The following CLVS1 variants were observed in gnomAD, a reference collection of about 807,000 sequenced individuals.
CLVS1 encodes the protein clavesin 1.
Under a neutral mutation model 33.1 loss-of-function variants are expected in CLVS1, and 10 were observed. The observed-to-expected ratio is 0.30, with a 90% CI of 0.19 to 0.51. The LOEUF is 0.51. Among genes scored for constraint, CLVS1 ranks in the 20% least tolerant of loss-of-function variants. The probability of loss-of-function intolerance (pLI) is 0.97; values close to 1 mark genes in which losing one functional copy is unlikely to be tolerated. For synonymous variants in CLVS1, 163 were observed against 166.1 expected (o/e 0.98, Z 0.14); for missense variants, 343 against 433.4 (o/e 0.79, Z 1.85).
intron 2 of CLVS1, among the ~76,000 whole-genome samples, chr8:61,231,063 T>C (rs907652732): frequency 1.3e-5 from 2 of 152,208 alleles, no homozygotes; most frequent in African/African-American, 4.8e-5. Flanking sequence ...CTTAGAGGCA[T>C]ACAAATCTTT....
chr8:61,270,958 A>C (rs961580846), intron 2 of CLVS1, among the ~76,000 whole-genome samples: 5 of 151,630 alleles, frequency 3.3e-5, no homozygotes, highest in African/African-American at 9.7e-5. Context: ...ATCCTGTCAA[A>C]AAACCAGCTC....
chr8:61,424,842 A>T (rs1305954332), intron 3 of CLVS1, among the ~76,000 whole-genome samples: 1 of 152,214 alleles, frequency 6.6e-6, no homozygotes, highest in African/African-American at 2.4e-5. Flanking sequence ...ATAATAATGA[A>T]TCTTGAAGAT....
intron 5 of CLVS1, among the ~76,000 whole-genome samples, chr8:61,476,717 T>G (rs1435786835): frequency 6.6e-6 from 1 of 152,212 alleles, no homozygotes; most frequent in African/African-American, 2.4e-5. Context: ...TGGGGTTTTC[T>G]AGATATACAA....
the CLVS1 span, among the ~76,000 whole-genome samples, chr8:61,038,432 C>T: frequency 8.2e-6 from 1 of 122,178 alleles, no homozygotes. Flanking sequence ...TTCCTCCTGT[C>T]GTTTGTATAT....
intron 2 of CLVS1, among the ~76,000 whole-genome samples, chr8:61,164,737 C>T (rs1806823050): frequency 6.6e-6 from 1 of 152,176 alleles, no homozygotes; most frequent in Non-Finnish European, 1.5e-5. Flanking sequence ...TTGTTGGAAT[C>T]CCCCCTCTTT....
intron 2 of CLVS1, among the ~76,000 whole-genome samples, chr8:61,316,526 A>G (rs961895013): frequency 2.6e-5 from 4 of 152,216 alleles, no homozygotes; most frequent in African/African-American, 9.6e-5. Flanking sequence ...ATGACCTTCA[A>G]ATGAATTGAT....
At chr8:60,981,741 A>C in the CLVS1 span, among the ~76,000 whole-genome samples, 2 of 152,266 alleles carry the variant, frequency 1.3e-5, no homozygotes, top group East Asian at 3.8e-4. Flanking sequence ...GAGGAACAGC[A>C]GCTTGAGCGG....
chr8:60,972,304 T>G, the CLVS1 span, among the ~76,000 whole-genome samples: 1 of 152,150 alleles, frequency 6.6e-6, no homozygotes, highest in African/African-American at 2.4e-5. Flanking sequence ...GCCTTTAACC[T>G]CCAAAGTACC....
chr8:61,246,401 C>T, intron 2 of CLVS1, among the ~76,000 whole-genome samples: 1 of 151,134 alleles, frequency 6.6e-6, no homozygotes, highest in East Asian at 2.0e-4. Flanking sequence ...AACTCCTGAC[C>T]TCAAGTGATA....
chr8:61,468,347 C>T lies in CLVS1; in HGVS notation c.977+9805C>T, dbSNP rs562635134. Among the ~76,000 whole-genome samples, 59 of 152,282 alleles carry T rather than the reference C, an allele frequency of 3.9e-4. 1 individual carries two copies. The South Asian group carries it at 0.011, about 29-fold the overall frequency. ...ATGGTGCATAGATGTGTCCTTTTCA[C>T]AGTGGTACTAAGATTTTAAAAAATG... is the stretch of plus-strand genomic sequence containing the variant. On this transcript the variant is annotated intron_variant, in intron 5 of 5. Transcript: ENST00000325897.
At chr8:61,237,769 A>G (rs1033084782) in intron 2 of CLVS1, among the ~76,000 whole-genome samples, 26 of 152,290 alleles carry the variant, frequency 1.7e-4, no homozygotes, top group Middle Eastern at 3.4e-3. Context: ...TGAATCTGCA[A>G]CATGTGGAGA....
chr8:61,090,782 G>T, intron 1 of CLVS1: 1 of 478,394 alleles, frequency 2.1e-6, no homozygotes, highest in Non-Finnish European at 4.1e-6. Context: ...AGACAGAGAA[G>T]AATTTTCCTC....
At chr8:61,042,971 C>T in the CLVS1 span, among the ~76,000 whole-genome samples, 4 of 152,112 alleles carry the variant, frequency 2.6e-5, no homozygotes, top group East Asian at 3.9e-4. Context: ...CTTGGGTAAC[C>T]CTTGGGAATA....
intron 2 of CLVS1, among the ~76,000 whole-genome samples, chr8:61,134,940 G>T (rs1347913565): frequency 1.3e-5 from 2 of 151,846 alleles, no homozygotes; most frequent in Admixed American, 6.6e-5. Context: ...ATACAGACTT[G>T]GGAATTCACA....
At chr8:61,073,944 G>A (rs545019408) in intron 1 of CLVS1, among the ~76,000 whole-genome samples, 7 of 149,850 alleles carry the variant, frequency 4.7e-5, no homozygotes, top group South Asian at 2.1e-4. Flanking sequence ...CCAGTGGGGC[G>A]GAGCCTGCAG....
At chr8:61,280,155 C>T (rs1809641493) in intron 2 of CLVS1, among the ~76,000 whole-genome samples, 1 of 152,116 alleles carries the variant, frequency 6.6e-6, no homozygotes, top group Non-Finnish European at 1.5e-5. Flanking sequence ...TAAATTTGTT[C>T]TTTTGGAATT....
chr8:61,182,235 A>G (rs1294650075), intron 2 of CLVS1, among the ~76,000 whole-genome samples: 1 of 152,240 alleles, frequency 6.6e-6, no homozygotes, highest in African/African-American at 2.4e-5. Flanking sequence ...ACCCTAGAAG[A>G]AAACCCAGGC....
the CLVS1 span, among the ~76,000 whole-genome samples, chr8:61,046,999 T>G: frequency 6.6e-6 from 1 of 152,182 alleles, no homozygotes; most frequent in Non-Finnish European, 1.5e-5. Flanking sequence ...CCTGCCTAAT[T>G]GCCCTGGCCA....
At chr8:61,383,276 T>A (rs950706301) in intron 3 of CLVS1, among the ~76,000 whole-genome samples, 1 of 151,148 alleles carries the variant, frequency 6.6e-6, no homozygotes, top group Admixed American at 6.6e-5. Flanking sequence ...AATTATCACC[T>A]GACAATTGAG....
Sources: gnomAD v4.1 joint callset for allele counts (sites outside exome capture counted in the v4.1 genomes callset) on GRCh38, gnomAD v4.1.1 for gene constraint, MANE v1.5 for transcripts, NCBI Gene and HGNC (gene_info 2026-07-23, HGNC 2026-07-21) for gene names.